The following ASB11 variants were observed in gnomAD, a reference collection of about 807,000 sequenced individuals.
ASB11 encodes ankyrin repeat and SOCS box containing 11, also known as ankyrin repeat and SOCS box protein 11.
A neutral mutation model predicts 20.1 loss-of-function variants in ASB11; 17 were observed. That is an observed-to-expected ratio of 0.85 (90% confidence interval 0.58 to 1.27). The LOEUF (loss-of-function observed/expected upper bound fraction) is 1.27, where lower values mean the gene tolerates loss of function less well. ASB11 is among the 50% of genes most tolerant of loss of function. ASB11 has a pLI of 0.00. For synonymous variants in ASB11, 107 were observed against 105.6 expected (o/e 1.01, Z -0.08); for missense variants, 259 against 256.9 (o/e 1.01, Z -0.06).
intron 3 of ASB11, among the ~76,000 whole-genome samples, chrX:15,296,352 T>A (rs1002891619): frequency 7.2e-5 from 8 of 111,768 alleles, no homozygotes; most frequent in African/African-American, 2.6e-4. Context: ...TTATATTCAG[T>A]TCTACATGTA....
chrX:15,294,445 A>G lies in ASB11; in HGVS notation c.370-1125T>C, dbSNP rs1181164193. ...GAGTGCAGTGTCATGATCATAGCTC[A>G]CTGCAGCCTCGAATTCCTAGGCTCA... On this transcript the variant is annotated intron_variant, in intron 3 of 6. Transcript: ENST00000480796. Among the ~76,000 whole-genome samples the G allele has an allele frequency of 1.8e-5, 2 of 112,185 alleles. 1 individual carries two copies. Among genetic ancestry groups the G allele is most frequent in the Non-Finnish European group, 3.8e-5 (2 of 53,250 alleles).
At chrX:15,288,124 A>G in intron 5 of ASB11, 52 bp from the exon 6 acceptor site, 2 of 1,098,590 alleles carry the variant, frequency 1.8e-6, no homozygotes, top group Non-Finnish European at 2.4e-6. Context: ...GTAAAGCACA[A>G]TGAGCTTCAA....
At chrX:15,289,731 T>G in intron 4 of ASB11, 93 bp from the exon 5 acceptor site, 2 of 1,042,602 alleles carry the variant, frequency 1.9e-6, no homozygotes, top group Non-Finnish European at 2.6e-6. Context: ...GCTTTAGAAA[T>G]AACCTAGGTT....
At chrX:15,308,190 G>A (rs761937987) in intron 1 of ASB11, among the ~76,000 whole-genome samples, 2 of 112,394 alleles carry the variant, frequency 1.8e-5, no homozygotes, top group South Asian at 7.4e-4. Flanking sequence ...CCTCACTCCA[G>A]GTCTGTGGCA....
intron 1 of ASB11, among the ~76,000 whole-genome samples, chrX:15,311,755 T>C (rs1235862490): frequency 2.0e-4 from 22 of 111,222 alleles, no homozygotes; most frequent in African/African-American, 6.9e-4. Flanking sequence ...TACCCCAAAT[T>C]TGATGCAAAC....
chrX:15,301,429 C>T (rs1921062667), intron 2 of ASB11, among the ~76,000 whole-genome samples: 1 of 111,325 alleles, frequency 9.0e-6, no homozygotes, highest in African/African-American at 3.3e-5. Flanking sequence ...TTCCATTTAC[C>T]TCTACTTTTT....
chrX:15,297,313 A>AC (rs1920975611), intron 3 of ASB11, among the ~76,000 whole-genome samples: 1 of 111,642 alleles, frequency 9.0e-6, no homozygotes, highest in African/African-American at 3.3e-5. Context: ...ACAAAACAAA[A>AC]AAAAAACATG....
Position 15,315,545 on chromosome X carries a change from AC to A in ASB11, c.60del (p.Phe23SerfsTer5), listed in dbSNP as rs776531591. On this transcript the variant is annotated frameshift_variant, in exon 1 of 7. Transcript: ENST00000480796. LOFTEE classifies it high-confidence loss of function. ...FKNIFITMFATFFFFKLLIKV... is the reference protein window; with the variant it reads ...FKNIFITMFAXFFFFKLLIKV... ...TTAATTAAAAGCTTAAAGAAAAAAA[AC>A]GTAGCAAACATTGTAATAAAAATGT... 116 of 1,191,021 alleles carry A rather than the reference AC, an allele frequency of 9.7e-5. 1 individual carries two copies. Among genetic ancestry groups the A allele is most frequent in the South Asian group, 3.8e-4 (20 of 52,759 alleles).
At chrX:15,307,778 T>C (rs1221544996) in intron 1 of ASB11, among the ~76,000 whole-genome samples, 1 of 112,351 alleles carries the variant, frequency 8.9e-6, no homozygotes, top group African/African-American at 3.2e-5. Context: ...ATATGCAATT[T>C]CTTGCTCTTA....
chrX:15,304,314 G>A (rs1358476698), intron 1 of ASB11, among the ~76,000 whole-genome samples: 1 of 112,539 alleles, frequency 8.9e-6, no homozygotes, highest in South Asian at 3.6e-4. Context: ...GAAACTCAAT[G>A]TATGAACTTC....
intron 6 of ASB11, among the ~76,000 whole-genome samples, chrX:15,284,215 G>A (rs1449418329): frequency 2.0e-5 from 2 of 99,133 alleles, no homozygotes; most frequent in Middle Eastern, 5.3e-3. Context: ...TCGGGCCACT[G>A]CACTCCAGCC....
At chrX:15,284,262 A>C (rs1425165000) in intron 6 of ASB11, among the ~76,000 whole-genome samples, 2 of 107,829 alleles carry the variant, frequency 1.9e-5, no homozygotes, top group Non-Finnish European at 3.8e-5. Flanking sequence ...AAAAAAAAAA[A>C]AAAAAAAAGA....
At chrX:15,314,977 A>C (rs1921567338) in intron 1 of ASB11, among the ~76,000 whole-genome samples, 1 of 111,644 alleles carries the variant, frequency 9.0e-6, no homozygotes, top group Non-Finnish European at 1.9e-5. Context: ...TCCAGTTGCA[A>C]ATGACAGCAA....
chrX:15,314,520 T>C (rs772743413), intron 1 of ASB11: 1 of 1,177,258 alleles, frequency 8.5e-7, no homozygotes, highest in South Asian at 2.0e-5. Flanking sequence ...CTTATTTCTT[T>C]AGATAAGACT....
chrX:15,290,413 T>A (rs1353369695), intron 4 of ASB11, among the ~76,000 whole-genome samples: 1 of 112,386 alleles, frequency 8.9e-6, no homozygotes, highest in African/African-American at 3.2e-5. Flanking sequence ...ATTGGATATA[T>A]GGCCTGCAAC....
intron 5 of ASB11, among the ~76,000 whole-genome samples, chrX:15,289,171 C>T (rs1000129205): frequency 1.8e-5 from 2 of 112,027 alleles, no homozygotes; most frequent in Admixed American, 1.9e-4. Context: ...ATTCCCTTGG[C>T]CCCCATGAGG....
chrX:15,304,687 G>A lies in ASB11; in HGVS notation c.182-1880C>T, dbSNP rs375735888. Among the ~76,000 whole-genome samples, 8 of 112,084 alleles carry A rather than the reference G, an allele frequency of 7.1e-5. No homozygotes were observed. In the East Asian group the frequency reaches 1.7e-3, roughly 24 times the overall value. On this transcript the variant is annotated intron_variant, in intron 1 of 6. Coordinates refer to ENST00000480796, the MANE Select transcript of ASB11 (RefSeq NM_080873.3). ...GAGGTTAGGAGTTCGAGACCAGCCT[G>A]GCCAGCATGGTGAAACCCTGTCTCT...
intron 1 of ASB11, among the ~76,000 whole-genome samples, chrX:15,305,597 T>C (rs868468638): frequency 5.1e-5 from 5 of 98,515 alleles, no homozygotes; most frequent in Admixed American, 1.1e-4. Context: ...AAAAAAAAGA[T>C]TAGATAGATA....
intron 3 of ASB11, among the ~76,000 whole-genome samples, chrX:15,295,098 A>G (rs753381423): frequency 2.7e-5 from 3 of 111,514 alleles, no homozygotes; most frequent in African/African-American, 3.3e-5. Flanking sequence ...GCTGGAGTGC[A>G]GTGGTGTGAT....
Sources: allele counts gnomAD v4.1 joint callset (sites outside exome capture counted in the v4.1 genomes callset), GRCh38; gene constraint gnomAD v4.1.1; transcripts MANE v1.5; gene names NCBI Gene and HGNC (gene_info 2026-07-23, HGNC 2026-07-21).